The following ATRNL1 variants were observed in gnomAD, a reference collection of about 807,000 sequenced individuals.
ATRNL1 encodes attractin-like protein 1.
A neutral mutation model predicts 182.7 loss-of-function variants in ATRNL1; 95 were observed. The observed-to-expected ratio is 0.52, with a 90% CI of 0.44 to 0.62. The LOEUF is 0.62. ATRNL1 is among the 20% of genes least tolerant of loss of function. ATRNL1 has a pLI of 0.00. For synonymous variants in ATRNL1, 576 were observed against 568.3 expected, an observed-to-expected ratio of 1.01 and a Z score of -0.19; for missense variants, 1,471 against 1,679.5, an observed-to-expected ratio of 0.88 and a Z score of 2.17.
At chr10:115,308,217 T>TTTGACTAATGGTTTCTGAGAAA (rs1853832684) in intron 17 of ATRNL1, among the ~76,000 whole-genome samples, 1 of 152,178 alleles carries the variant, frequency 6.6e-6, no homozygotes, top group Non-Finnish European at 1.5e-5. Flanking sequence ...TAAGATAATT[T>TTTGACTAATGGTTTCTGAGAAA]TTGACTAATG....
chr10:115,673,362 A>G (rs1243738439), intron 26 of ATRNL1, among the ~76,000 whole-genome samples: 1 of 152,064 alleles, frequency 6.6e-6, no homozygotes, highest in Non-Finnish European at 1.5e-5. Flanking sequence ...TTGATAGGCA[A>G]CTGGCCCCAT....
chr10:115,579,589 C>T (rs1204899801), intron 26 of ATRNL1, among the ~76,000 whole-genome samples: 2 of 151,916 alleles, frequency 1.3e-5, no homozygotes, highest in African/African-American at 4.8e-5. Context: ...TCCATCCCTT[C>T]ACTTTCAGCC....
intron 26 of ATRNL1, among the ~76,000 whole-genome samples, chr10:115,592,449 A>C (rs1855968046): frequency 6.6e-6 from 1 of 152,204 alleles, no homozygotes; most frequent in Non-Finnish European, 1.5e-5. Flanking sequence ...ACAACTCTAC[A>C]ACTGTCACTC....
At chr10:115,637,214 C>G (rs1858929544) in intron 26 of ATRNL1, among the ~76,000 whole-genome samples, 1 of 152,076 alleles carries the variant, frequency 6.6e-6, no homozygotes, top group Admixed American at 6.5e-5. Flanking sequence ...GACAATTCCT[C>G]AAGAATAGCC....
chr10:115,735,394 A>T (rs1389726269), intron 27 of ATRNL1, among the ~76,000 whole-genome samples: 2 of 152,150 alleles, frequency 1.3e-5, no homozygotes, highest in Non-Finnish European at 2.9e-5. Flanking sequence ...CTGGCTTCTG[A>T]TTTCCGTTGT....
At chr10:115,229,439 T>A (rs782053213) in intron 9 of ATRNL1, among the ~76,000 whole-genome samples, 1 of 152,142 alleles carries the variant, frequency 6.6e-6, no homozygotes, top group Non-Finnish European at 1.5e-5. Context: ...CTCTGCTTAC[T>A]GAGTGTCTGA....
intron 27 of ATRNL1, among the ~76,000 whole-genome samples, chr10:115,842,033 A>G (rs868938793): frequency 3.9e-5 from 6 of 152,216 alleles, no homozygotes; most frequent in South Asian, 2.1e-4. Flanking sequence ...TTTTATTTAT[A>G]GATGAATTCT....
intron 8 of ATRNL1, among the ~76,000 whole-genome samples, chr10:115,209,888 A>G (rs1391064778): frequency 2.0e-5 from 3 of 151,948 alleles, no homozygotes; most frequent in Non-Finnish European, 4.4e-5. Context: ...TGGGAAGACA[A>G]TTGTTTCCTT....
chr10:115,401,629 T>C (rs1382026566), intron 20 of ATRNL1, among the ~76,000 whole-genome samples: 3 of 152,182 alleles, frequency 2.0e-5, no homozygotes, highest in African/African-American at 7.2e-5. Flanking sequence ...ATATTTTCTT[T>C]CTTGAAATCC....
chr10:115,535,542 C>T (rs1554989947), intron 25 of ATRNL1, among the ~76,000 whole-genome samples: 5 of 152,036 alleles, frequency 3.3e-5, no homozygotes, highest in African/African-American at 9.6e-5. Flanking sequence ...ACTTCTTTGC[C>T]TTTGGTTTGA....
At chr10:115,273,467 A>G (rs1393516004) in intron 13 of ATRNL1, among the ~76,000 whole-genome samples, 2 of 151,998 alleles carry the variant, frequency 1.3e-5, no homozygotes, top group Non-Finnish European at 2.9e-5. Flanking sequence ...TGTTCCTTCC[A>G]AGTTCCTGAC....
At chr10:115,187,601 G>A (rs1320845121) in intron 8 of ATRNL1, among the ~76,000 whole-genome samples, 3 of 147,330 alleles carry the variant, frequency 2.0e-5, no homozygotes, top group Non-Finnish European at 4.5e-5. Context: ...TTAAAGTATT[G>A]TACAAATGTT....
At chr10:115,860,843 C>A (rs532680040) in intron 28 of ATRNL1, among the ~76,000 whole-genome samples, 62 of 152,284 alleles carry the variant, frequency 4.1e-4, no homozygotes, top group Admixed American at 1.4e-3. Flanking sequence ...TAGAGAACAG[C>A]TAATTATGCT....
At chr10:115,487,962 T>C (rs537066162) in intron 24 of ATRNL1, among the ~76,000 whole-genome samples, 105 of 152,350 alleles carry the variant, frequency 6.9e-4, no homozygotes, top group African/African-American at 2.4e-3. Flanking sequence ...TGAAGGCCTT[T>C]CCTGCATCTA....
intron 27 of ATRNL1, among the ~76,000 whole-genome samples, chr10:115,811,133 C>T (rs1950037900): frequency 6.6e-6 from 1 of 152,044 alleles, no homozygotes; most frequent in Admixed American, 6.6e-5. Flanking sequence ...AATTTCCCTT[C>T]AAGCATCCTT....
intron 20 of ATRNL1, among the ~76,000 whole-genome samples, chr10:115,408,609 G>A (rs1030893180): frequency 3.9e-5 from 6 of 152,008 alleles, no homozygotes; most frequent in South Asian, 4.1e-4. Context: ...TTTGTTGCCT[G>A]TGCTTTTGAA....
chr10:115,870,117 A>G (rs1183532175), intron 28 of ATRNL1, among the ~76,000 whole-genome samples: 2 of 152,144 alleles, frequency 1.3e-5, no homozygotes, highest in African/African-American at 4.8e-5. Context: ...TAGGTTTATC[A>G]ATACATATTG....
At chr10:115,205,512 G>C (rs113735912) in intron 8 of ATRNL1, among the ~76,000 whole-genome samples, 21 of 151,686 alleles carry the variant, frequency 1.4e-4, no homozygotes, top group African/African-American at 4.8e-4. Context: ...TTATTATTCA[G>C]TTCTTTGTGT....
chr10:115,764,717 G>T (rs1013175481), intron 27 of ATRNL1, among the ~76,000 whole-genome samples: 1 of 152,034 alleles, frequency 6.6e-6, no homozygotes, highest in Non-Finnish European at 1.5e-5. Flanking sequence ...CTGTTGCCCA[G>T]GCTGGAGTGC....
Sources: gnomAD v4.1 joint callset for allele counts (sites outside exome capture counted in the v4.1 genomes callset) on GRCh38, gnomAD v4.1.1 for gene constraint, MANE v1.5 for transcripts, NCBI Gene and HGNC (gene_info 2026-07-23, HGNC 2026-07-21) for gene names.